EGLN3: variants seen among roughly 807,000 people sequenced by gnomAD.
EGLN3 encodes the protein prolyl hydroxylase EGLN3.
Under a neutral mutation model 26.0 loss-of-function variants are expected in EGLN3, and 15 were observed. The observed-to-expected ratio is 0.58, with a 90% CI of 0.39 to 0.89. EGLN3 has a LOEUF of 0.89. Among genes scored for constraint, EGLN3 ranks in the 40% least tolerant of loss-of-function variants. EGLN3 has a pLI of 0.00. For missense variants in EGLN3, 238 were observed against 311.6 expected (o/e 0.76, Z 1.78); for synonymous variants, 147 against 127.2 (o/e 1.16, Z -1.05).
intron 1 of EGLN3, among the ~76,000 whole-genome samples, chr14:33,947,938 T>C (rs1413540963): frequency 6.6e-6 from 1 of 151,968 alleles, no homozygotes; most frequent in Non-Finnish European, 1.5e-5. Context: ...GTCCCAGCTA[T>C]GCAGCAGGCT....
At chr14:33,935,291 T>C (rs1170129517) in intron 1 of EGLN3, among the ~76,000 whole-genome samples, 1 of 152,206 alleles carries the variant, frequency 6.6e-6, no homozygotes, top group African/African-American at 2.4e-5. Flanking sequence ...ACTGAAGCTG[T>C]AGAACGTCTC....
At chr14:33,946,202 C>T (rs2064516716) in intron 1 of EGLN3, among the ~76,000 whole-genome samples, 1 of 152,178 alleles carries the variant, frequency 6.6e-6, no homozygotes, top group Non-Finnish European at 1.5e-5. Context: ...CAAGGAGAAA[C>T]CCCGTCTCTA....
At chr14:33,949,432 A>C (rs1309697932) in intron 1 of EGLN3, 1 of 152,170 alleles carries the variant, frequency 6.6e-6, no homozygotes, top group African/African-American at 2.4e-5. Context: ...GTTTCAGTAA[A>C]AGTTTTCCGT....
At chr14:33,934,013 G>C (rs1455832071) in intron 1 of EGLN3, among the ~76,000 whole-genome samples, 1 of 152,192 alleles carries the variant, frequency 6.6e-6, no homozygotes, top group African/African-American at 2.4e-5. Context: ...AAAACTTCCT[G>C]ACTAGATTAA....
rs76563630 is a variant in EGLN3, at chr14:33,949,772, G to A, written c.357+624C>T. The A allele has an allele frequency of 8.2e-3, 1,261 of 154,662 alleles. 13 individuals carry two copies. The highest frequency in any genetic ancestry group is 0.029 in the African/African-American group (1,198 of 41,600). The allele number at this position is 154,662 out of a possible 1,614,324, so 9.6% of individuals were successfully genotyped here. A position where few individuals can be genotyped will look rare whatever the true frequency, so the allele number is the denominator to read the frequency against. On this transcript the variant is annotated intron_variant, in intron 1 of 4. Transcript: ENST00000250457. ...TCAATTCATAGTTAGGAAAAGGAAG[G>A]TGGTGGTGCAGGGCTCAGCATCAGG... is the stretch of plus-strand genomic sequence containing the variant.
At chr14:33,945,876 T>G (rs2064514165) in intron 1 of EGLN3, among the ~76,000 whole-genome samples, 1 of 152,198 alleles carries the variant, frequency 6.6e-6, no homozygotes. Context: ...AAACTGTTAT[T>G]GCTCAACAGC....
chr14:33,939,073 C>G (rs1365503965), intron 1 of EGLN3, among the ~76,000 whole-genome samples: 2 of 152,134 alleles, frequency 1.3e-5, no homozygotes, highest in Non-Finnish European at 2.9e-5. Context: ...AAATTTTCAT[C>G]TGAACTTAAT....
chr14:33,945,793 A>T (rs959330679), intron 1 of EGLN3, among the ~76,000 whole-genome samples: 4 of 152,182 alleles, frequency 2.6e-5, no homozygotes, highest in African/African-American at 9.7e-5. Context: ...TTTTTCCCTT[A>T]AAGTAGTTTG....
intron 1 of EGLN3, among the ~76,000 whole-genome samples, chr14:33,931,903 T>C (rs952481496): frequency 2.0e-5 from 3 of 152,230 alleles, no homozygotes; most frequent in African/African-American, 7.2e-5. Context: ...TGAAGTTCTC[T>C]TTGTCTAAGT....
At chr14:33,928,465 T>C (rs2064378055) in intron 3 of EGLN3, among the ~76,000 whole-genome samples, 1 of 152,204 alleles carries the variant, frequency 6.6e-6, no homozygotes, top group South Asian at 2.1e-4. Flanking sequence ...GTCAAGATTG[T>C]CTAGATTGGT....
intron 1 of EGLN3, among the ~76,000 whole-genome samples, chr14:33,944,099 C>T (rs1301203921): frequency 6.6e-6 from 1 of 151,946 alleles, no homozygotes; most frequent in African/African-American, 2.4e-5. Flanking sequence ...CAGCGTAGCC[C>T]CTTCTCTATT....
rs35754061 is a variant in EGLN3 at position 33,924,941 on chromosome 14, TAAAAAAA to T, written c.*943_*949del. On this transcript the variant is annotated 3_prime_UTR_variant, in exon 5 of 5. Coordinates refer to ENST00000250457, the MANE Select transcript of EGLN3 (RefSeq NM_022073.4). ...GGGTGAGCTCATTAAAAAGGAAAAC[TAAAAAAA>T]AAAAAAAAAAAAAAACAGGAACACC... The T allele has an allele frequency of 5.8e-5, 6 of 103,364 alleles. No individual in the cohort carries two copies. The highest frequency in any genetic ancestry group is 1.3e-4 in the Admixed American group (1 of 7,962). 6.4% of individuals were successfully genotyped at this position (103,364 alleles called of 1,614,324 possible). A position where few individuals can be genotyped will look rare whatever the true frequency, so the allele number is the denominator to read the frequency against.
At chr14:33,948,298 G>A (rs1399376046) in intron 1 of EGLN3, 1 of 152,138 alleles carries the variant, frequency 6.6e-6, no homozygotes, top group Admixed American at 6.5e-5. Context: ...ACATCACTAA[G>A]GAGACTTCTG....
chr14:33,939,470 A>G (rs1207075288), intron 1 of EGLN3, among the ~76,000 whole-genome samples: 1 of 152,040 alleles, frequency 6.6e-6, no homozygotes, highest in African/African-American at 2.4e-5. Context: ...TCGGCCGCCC[A>G]AAGTGCTGGG....
chr14:33,948,788 A>G (rs1409408454), intron 1 of EGLN3: 2 of 152,156 alleles, frequency 1.3e-5, no homozygotes, highest in African/African-American at 4.8e-5. Context: ...GATGAAGAAA[A>G]ACTCCTAACA....
chr14:33,946,376 CAATAAATA>C (rs58751029), intron 1 of EGLN3, among the ~76,000 whole-genome samples: 1 of 151,076 alleles, frequency 6.6e-6, no homozygotes. Flanking sequence ...AACTCTGTCT[CAATAAATA>C]AATAAATAAA....
chr14:33,945,291 G>C (rs1042777363), intron 1 of EGLN3, among the ~76,000 whole-genome samples: 4 of 152,176 alleles, frequency 2.6e-5, no homozygotes, highest in East Asian at 1.9e-4. Flanking sequence ...TAATTGCAGA[G>C]ATACCATTTA....
chr14:33,947,646 G>C (rs2064527152), intron 1 of EGLN3, among the ~76,000 whole-genome samples: 1 of 152,116 alleles, frequency 6.6e-6, no homozygotes, highest in African/African-American at 2.4e-5. Context: ...AAAAAAAATT[G>C]GTCTAAAACA....
intron 1 of EGLN3, among the ~76,000 whole-genome samples, chr14:33,935,961 G>A (rs533282838): frequency 5.3e-5 from 8 of 152,202 alleles, no homozygotes; most frequent in African/African-American, 1.2e-4. Context: ...GGCTGGGCGC[G>A]GTGGCTCACG....
Sources: gnomAD v4.1 joint callset for allele counts (sites outside exome capture counted in the v4.1 genomes callset) on GRCh38, gnomAD v4.1.1 for gene constraint, MANE v1.5 for transcripts, NCBI Gene and HGNC (gene_info 2026-07-23, HGNC 2026-07-21) for gene names.